The following TNNI3K variants were observed in gnomAD, a reference collection of about 807,000 sequenced individuals.
TNNI3K encodes the protein serine/threonine-protein kinase TNNI3K.
A neutral mutation model predicts 114.5 loss-of-function variants in TNNI3K; 140 were observed. That is an observed-to-expected ratio of 1.22 (90% CI 1.07 to 1.41). TNNI3K has a LOEUF of 1.41. Ranked by LOEUF, TNNI3K falls within the 40% of genes most tolerant of loss-of-function variation. TNNI3K has a pLI of 0.00. For missense variants in TNNI3K, 1,125 were observed against 1,007.6 expected (o/e 1.12, Z -1.58); for synonymous variants, 347 against 347.5 (o/e 1.00, Z 0.02).
chr1:74,389,671 A>C (rs1663664070), intron 17 of TNNI3K, among the ~76,000 whole-genome samples: 1 of 152,192 alleles, frequency 6.6e-6, no homozygotes, highest in South Asian at 2.1e-4. Flanking sequence ...CCATTTTGCT[A>C]ACCTTAGTAC....
At chr1:74,502,292 G>A (rs1336792874) in intron 23 of TNNI3K, among the ~76,000 whole-genome samples, 1 of 152,118 alleles carries the variant, frequency 6.6e-6, no homozygotes, top group Non-Finnish European at 1.5e-5. Context: ...GTACATGGTA[G>A]GTGCCAAACA....
chr1:74,347,197 G>A lies in TNNI3K; in HGVS notation c.932+4018G>A, dbSNP rs1661055491. On this transcript the variant is annotated intron_variant, in intron 9 of 24. Transcript: ENST00000326637. ...TCCGGTGTGTGATGCTCCCCTTCGTGTGTCCATGTGTTCTCATTGTTCAAT... is the reference window on the plus strand; with the variant it reads ...TCCGGTGTGTGATGCTCCCCTTCGTATGTCCATGTGTTCTCATTGTTCAAT... Among the ~76,000 whole-genome samples, 3 of 128,796 alleles carry A rather than the reference G, an allele frequency of 2.3e-5. No homozygotes were observed. The South Asian group carries it at 7.3e-4, about 31-fold the overall frequency. The allele number at this position is 128,796 out of a possible 152,430, so 84.5% of individuals were successfully genotyped here. A position where few individuals can be genotyped will look rare whatever the true frequency, so the allele number is the denominator to read the frequency against.
At chr1:74,385,917 C>A (rs1663451565) in intron 17 of TNNI3K, among the ~76,000 whole-genome samples, 1 of 152,174 alleles carries the variant, frequency 6.6e-6, no homozygotes, top group African/African-American at 2.4e-5. Flanking sequence ...GGTTGTGTTC[C>A]CACTCAAATC....
intron 17 of TNNI3K, among the ~76,000 whole-genome samples, chr1:74,417,049 T>A (rs985433145): frequency 6.6e-6 from 1 of 152,074 alleles, no homozygotes; most frequent in Non-Finnish European, 1.5e-5. Context: ...TCTGTTAATA[T>A]GTTATATAAG....
At chr1:74,347,032 G>A (rs1410293167) in intron 9 of TNNI3K, among the ~76,000 whole-genome samples, 1 of 150,936 alleles carries the variant, frequency 6.6e-6, no homozygotes, top group Non-Finnish European at 1.5e-5. Flanking sequence ...TAAGTTTTAG[G>A]GTACATGTGC....
chr1:74,343,231 G>A, intron 9 of TNNI3K, 52 bp downstream of exon 9: 1 of 1,545,880 alleles, frequency 6.5e-7, no homozygotes, highest in Non-Finnish European at 8.8e-7. Flanking sequence ...ACACTCTAAA[G>A]CACCTGAAGT....
At chr1:74,467,589 A>G (rs1370112429) in intron 21 of TNNI3K, among the ~76,000 whole-genome samples, 1 of 151,980 alleles carries the variant, frequency 6.6e-6, no homozygotes, top group Non-Finnish European at 1.5e-5. Context: ...TTTTTTCTCT[A>G]AAGGAGTGAA....
At chr1:74,314,648 G>GCACAACAT (rs1557491817) in intron 5 of TNNI3K, among the ~76,000 whole-genome samples, 2 of 152,082 alleles carry the variant, frequency 1.3e-5, no homozygotes, top group African/African-American at 4.8e-5. Flanking sequence ...ACAACTTGAT[G>GCACAACAT]TCATAAACAC....
chr1:74,278,469 C>T (rs1341056609), intron 5 of TNNI3K, among the ~76,000 whole-genome samples: 1 of 152,098 alleles, frequency 6.6e-6, no homozygotes, highest in Non-Finnish European at 1.5e-5. Context: ...GGAAAACATG[C>T]CATATCTGCA....
At chr1:74,528,037 A>G (rs4650277) in intron 23 of TNNI3K, among the ~76,000 whole-genome samples, 66,737 of 152,008 alleles carry the variant, frequency 0.44, 16,118 homozygotes, top group Non-Finnish European at 0.56. Flanking sequence ...GAGTACCCTG[A>G]CAGAGGAGAT....
At chr1:74,247,353 G>A (rs1435482704) in intron 2 of TNNI3K, among the ~76,000 whole-genome samples, 1 of 152,180 alleles carries the variant, frequency 6.6e-6, no homozygotes, top group Non-Finnish European at 1.5e-5. Flanking sequence ...CTTCAGGAGT[G>A]AAGCTGCAGG....
chr1:74,265,350 T>A (rs1655907008), intron 4 of TNNI3K, among the ~76,000 whole-genome samples: 1 of 151,994 alleles, frequency 6.6e-6, no homozygotes, highest in Non-Finnish European at 1.5e-5. Flanking sequence ...AAAAATTGCC[T>A]ATGAAAGGAG....
At chr1:74,528,167 T>C (rs575254782) in intron 23 of TNNI3K, among the ~76,000 whole-genome samples, 2 of 152,256 alleles carry the variant, frequency 1.3e-5, no homozygotes, top group South Asian at 4.1e-4. Flanking sequence ...CCACTGTGGT[T>C]CCATGCAGGC....
chr1:74,306,003 G>T (rs1205711169), intron 5 of TNNI3K, among the ~76,000 whole-genome samples: 2 of 152,090 alleles, frequency 1.3e-5, no homozygotes, highest in African/African-American at 4.8e-5. Flanking sequence ...TTCAGCCATT[G>T]TTCACCTCCC....
Position 74,336,057 on chromosome 1 carries a change from G to A in TNNI3K, c.590G>A (p.Gly197Asp), listed in dbSNP as rs201682936. The A allele has an allele frequency of 5.6e-6, 9 of 1,598,422 alleles. No individual in the cohort carries two copies. In the Admixed American group the frequency reaches 1.5e-4, roughly 26 times the overall value. The change falls in exon 7 of 25, where the codon GGT becomes GAT. Residue 197 changes from glycine (G) to aspartate (D), a missense_variant. By Grantham distance (94) the Gly-to-Asp change is moderately conservative. Transcript: ENST00000326637. ...LKFGADVNVS[G>D]EVGDRPLHLA... ...TTTGGTGCTGATGTAAATGTAAGTG[G>A]TGAAGTTGGAGATAGACCCCTCCAC... is the stretch of plus-strand genomic sequence containing the variant.
chr1:74,368,531 C>G (rs1160596414), intron 13 of TNNI3K, among the ~76,000 whole-genome samples: 1 of 151,780 alleles, frequency 6.6e-6, no homozygotes, highest in African/African-American at 2.4e-5. Context: ...ATTGGCATCC[C>G]TTTGAGGTTA....
At chr1:74,302,002 T>C (rs1658356751) in intron 5 of TNNI3K, among the ~76,000 whole-genome samples, 2 of 152,230 alleles carry the variant, frequency 1.3e-5, no homozygotes, top group African/African-American at 4.8e-5. Context: ...TGCACTTTGC[T>C]GTATTGTGCT....
chr1:74,522,510 C>T lies in TNNI3K; in HGVS notation c.2352-17724C>T, dbSNP rs921043875. ...CGAGTTGCATGACTAATTCTCCCCA[C>T]GCAGTATAGAAGACCTACTCCTGAG... On this transcript the variant is annotated intron_variant, in intron 23 of 24. Coordinates refer to ENST00000326637, the MANE Select transcript of TNNI3K (RefSeq NM_015978.3). Among the ~76,000 whole-genome samples the T allele has an allele frequency of 6.6e-5, 10 of 152,020 alleles. 1 individual carries two copies. In the South Asian group the frequency reaches 1.2e-3, roughly 19 times the overall value.
chr1:74,309,037 G>T (rs1294794793), intron 5 of TNNI3K, among the ~76,000 whole-genome samples: 1 of 152,054 alleles, frequency 6.6e-6, no homozygotes, highest in African/African-American at 2.4e-5. Flanking sequence ...AAAAGCACTG[G>T]ACCAGACAGA....
Sources: gnomAD v4.1 joint callset for allele counts (sites outside exome capture counted in the v4.1 genomes callset) on GRCh38, gnomAD v4.1.1 for gene constraint, MANE v1.5 for transcripts, NCBI Gene and HGNC (gene_info 2026-07-23, HGNC 2026-07-21) for gene names.